MAP4: variants seen among roughly 807,000 people sequenced by gnomAD.
MAP4 encodes microtubule associated protein 4.
MAP4 carries 76 observed loss-of-function variants against 170.2 expected under a neutral mutation model. The ratio of observed to expected loss-of-function variants is 0.45; its 90% CI spans 0.37 to 0.54. The LOEUF is 0.54. Among genes scored for constraint, MAP4 ranks in the 20% least tolerant of loss-of-function variants. The pLI is 0.00. For synonymous variants in MAP4, 909 were observed against 994.5 expected (o/e 0.91, Z 1.62); for missense variants, 2,506 against 2,748.0 (o/e 0.91, Z 1.97).
chr3:48,057,646 G>GAA (rs569379277), intron 1 of MAP4, among the ~76,000 whole-genome samples: 1 of 131,960 alleles, frequency 7.6e-6, no homozygotes, highest in Non-Finnish European at 1.6e-5. Context: ...AGAAAAAAAA[G>GAA]AAAAAAAAAA....
Position 47,973,811 on chromosome 3 carries a change from A to G in MAP4, c.292+4054T>C, listed in dbSNP as rs564344440. 1.8e-4 allele frequency: 178 copies of G among 985,350 alleles called. 1 individual carries two copies. In the South Asian group the frequency reaches 7.5e-3, roughly 41 times the overall value. The allele number at this position is 985,350 out of a possible 1,614,324, so 61.0% of individuals were successfully genotyped here. A position where few individuals can be genotyped will look rare whatever the true frequency, so the allele number is the denominator to read the frequency against. ...GCGAAAGAAACCCCAAAATCAACTTAATAAATAACTGTACACCAAAGGGAA... is the reference window on the plus strand; with the variant it reads ...GCGAAAGAAACCCCAAAATCAACTTGATAAATAACTGTACACCAAAGGGAA... On this transcript the variant is annotated intron_variant, in intron 3 of 20. Transcript: ENST00000683076.
At chr3:47,914,292 T>C (rs2100037431) in intron 8 of MAP4, among the ~76,000 whole-genome samples, 1 of 152,168 alleles carries the variant, frequency 6.6e-6, no homozygotes. Flanking sequence ...GCACGGTCGC[T>C]CACGCCTGTA....
chr3:47,910,380 A>T lies in MAP4; in HGVS notation c.4041T>A (p.Asp1347Glu), dbSNP rs1444569791. 1 of 1,537,336 alleles carries T rather than the reference A, an allele frequency of 6.5e-7. No homozygotes were observed. Among genetic ancestry groups the T allele is most frequent in the South Asian group, 1.2e-5 (1 of 84,100 alleles). Residue 1347 changes from aspartate (D) to glutamate (E), a missense_variant, in exon 9 of 21, where the codon GAT becomes GAA. Physicochemically the swap from Asp to Glu is conservative, Grantham distance 45. Around this residue, in one of 3 missense-constraint regions of MAP4, gnomAD observed 2,008 missense variants for 2,206.0 expected, o/e 0.91. Transcript: ENST00000683076. Reference protein sequence around the residue: ...PSVVSEENKTDAANRYTAVAD... With the variant: ...PSVVSEENKTEAANRYTAVAD... ...CCACTGCAGTGTATCTATTGGCTGC[A>T]TCTGTCTTATTCTCCTCAGATACTA... is the stretch of plus-strand genomic sequence containing the variant.
intron 1 of MAP4, among the ~76,000 whole-genome samples, chr3:48,002,851 T>A (rs2100099975): frequency 6.6e-6 from 1 of 151,714 alleles, no homozygotes; most frequent in Non-Finnish European, 1.5e-5. Context: ...TACTCCAGCC[T>A]GGGTGACAGA....
At position 47,916,948 on chromosome 3, in the gene MAP4, C is replaced by T; in HGVS notation, c.879G>A (p.Gln293=). ...GGGCCATATCTGATTCCATGGATGG[C>T]TGCATGTCCTTGGCCAGTGTCACAT... ...KLDVTLAKDM[Q]PSMESDMALV... Residue 293 remains glutamine, a synonymous_variant, in exon 7 of 21, where the codon CAG becomes CAA. Transcript: ENST00000683076. The T allele has an allele frequency of 6.2e-7, 1 of 1,614,168 alleles. No homozygotes were observed. The highest frequency in any genetic ancestry group is 1.3e-5 in the African/African-American group (1 of 75,058).
chr3:47,856,227 C>T (rs950950823), intron 18 of MAP4, among the ~76,000 whole-genome samples: 7 of 152,196 alleles, frequency 4.6e-5, no homozygotes, highest in South Asian at 4.1e-4. Context: ...CAGACCTCCA[C>T]GCACAGCTTC....
chr3:47,992,771 G>T (rs2100093119), intron 2 of MAP4, among the ~76,000 whole-genome samples: 1 of 151,970 alleles, frequency 6.6e-6, no homozygotes, highest in Non-Finnish European at 1.5e-5. Context: ...GGGCATGGTA[G>T]CATGTGCCTA....
intron 17 of MAP4, among the ~76,000 whole-genome samples, chr3:47,863,937 T>TGTGGGGGGGGG (rs374208589): frequency 2.2e-5 from 3 of 138,352 alleles, no homozygotes; most frequent in African/African-American, 5.5e-5. Context: ...TGTGTGTGTG[T>TGTGGGGGGGGG]GGGGAGTGGT....
chr3:47,938,785 T>A (rs1172456462), intron 3 of MAP4, among the ~76,000 whole-genome samples: 1 of 152,234 alleles, frequency 6.6e-6, no homozygotes, highest in Admixed American at 6.5e-5. Context: ...CTAAGGATAC[T>A]TGTTCAGTTC....
At chr3:48,009,398 G>A (rs2100104098) in intron 1 of MAP4, among the ~76,000 whole-genome samples, 1 of 152,224 alleles carries the variant, frequency 6.6e-6, no homozygotes, top group Non-Finnish European at 1.5e-5. Flanking sequence ...ACCGCACCCA[G>A]CTGACTCATG....
chr3:47,948,077 A>G (rs2100061291), intron 3 of MAP4, among the ~76,000 whole-genome samples: 1 of 150,544 alleles, frequency 6.6e-6, no homozygotes, highest in Non-Finnish European at 1.5e-5. Flanking sequence ...GGCTCACTGC[A>G]ACCTCTGCCT....
chr3:47,866,026 AG>A (rs1325938678), intron 17 of MAP4, among the ~76,000 whole-genome samples: 1 of 152,196 alleles, frequency 6.6e-6, no homozygotes, highest in African/African-American at 2.4e-5. Context: ...TGGGTGGAAG[AG>A]GAAAGAGGAC....
intron 10 of MAP4, among the ~76,000 whole-genome samples, chr3:47,900,331 AATC>A (rs1343790722): frequency 5.9e-5 from 9 of 152,216 alleles, no homozygotes; most frequent in African/African-American, 1.9e-4. Flanking sequence ...CAAGAAAATA[AATC>A]ATGATTCTCC....
chr3:48,020,944 A>ATG (rs2100110242), upstream of MAP4, among the ~76,000 whole-genome samples: 1 of 152,194 alleles, frequency 6.6e-6, no homozygotes, highest in Non-Finnish European at 1.5e-5. Flanking sequence ...GACTAGAAGC[A>ATG]TGTGCTACTG....
intron 10 of MAP4, among the ~76,000 whole-genome samples, chr3:47,887,232 T>C (rs2097750099): frequency 6.6e-6 from 1 of 152,206 alleles, no homozygotes; most frequent in African/African-American, 2.4e-5. Flanking sequence ...GAACCGGGGC[T>C]GCGCGCAGCA....
At chr3:48,013,702 G>A (rs1435861482) in intron 1 of MAP4, among the ~76,000 whole-genome samples, 2 of 122,224 alleles carry the variant, frequency 1.6e-5, no homozygotes, top group Non-Finnish European at 3.6e-5. Context: ...ATTGGGTTGA[G>A]GTTTATTAAA....
chr3:47,972,360 T>A (rs1276868455), intron 3 of MAP4, among the ~76,000 whole-genome samples: 1 of 152,188 alleles, frequency 6.6e-6, no homozygotes, highest in African/African-American at 2.4e-5. Context: ...TAGGAAGACT[T>A]TGAATGTGAA....
chr3:48,053,867 C>T (rs2100129214), intron 1 of MAP4, among the ~76,000 whole-genome samples: 1 of 151,918 alleles, frequency 6.6e-6, no homozygotes, highest in Admixed American at 6.5e-5. Context: ...TTCTTATTTT[C>T]ACAAGAAAAA....
intron 11 of MAP4, among the ~76,000 whole-genome samples, chr3:47,876,545 A>G (rs1339468964): frequency 2.0e-5 from 3 of 147,450 alleles, no homozygotes; most frequent in South Asian, 4.1e-4. Context: ...GGCTATTCTA[A>G]AAGAAAAGCA....
Sources: gnomAD v4.1 joint callset for allele counts (sites outside exome capture counted in the v4.1 genomes callset) on GRCh38, gnomAD v4.1.1 for gene constraint, gnomAD v4.1.1 regional missense constraint, MANE v1.5 for transcripts, NCBI Gene and HGNC (gene_info 2026-07-23, HGNC 2026-07-21) for gene names.